Variants in CACNA1E observed in about 807,000 individuals in gnomAD.
CACNA1E encodes voltage-dependent R-type calcium channel subunit alpha-1E.
A neutral mutation model predicts 259.2 loss-of-function variants in CACNA1E; 40 were observed. That is an observed-to-expected ratio of 0.15 (90% confidence interval 0.12 to 0.20). The LOEUF (loss-of-function observed/expected upper bound fraction) is 0.20. Among genes scored for constraint, CACNA1E ranks in the 10% least tolerant of loss-of-function variants. The pLI, the probability that CACNA1E is intolerant of heterozygous loss-of-function variation, is 1.00. For missense variants in CACNA1E, 1,874 were observed against 3,040.1 expected, an observed-to-expected ratio of 0.62 and a Z score of 9.02; for synonymous variants, 1,104 against 1,138.5, an observed-to-expected ratio of 0.97 and a Z score of 0.61.
At chr1:181,531,809 C>A (rs1255784722) in intron 3 of CACNA1E, among the ~76,000 whole-genome samples, 1 of 152,206 alleles carries the variant, frequency 6.6e-6, no homozygotes, top group Non-Finnish European at 1.5e-5. Context: ...AATCCCAGCA[C>A]TTTGGGAGGC....
At chr1:181,412,863 C>A (rs1657960349) in intron 1 of CACNA1E, among the ~76,000 whole-genome samples, 1 of 152,168 alleles carries the variant, frequency 6.6e-6, no homozygotes, top group Non-Finnish European at 1.5e-5. Context: ...GGGCAAGAAT[C>A]CAGTCCACTT....
intron 2 of CACNA1E, among the ~76,000 whole-genome samples, chr1:181,510,800 A>T (rs632026): frequency 6.6e-6 from 1 of 152,232 alleles, no homozygotes; most frequent in African/African-American, 2.4e-5. Flanking sequence ...AGGGAAGAAG[A>T]AAGGGCAGGC....
At chr1:181,786,188 C>T (rs1283292228) in intron 43 of CACNA1E, among the ~76,000 whole-genome samples, 1 of 152,182 alleles carries the variant, frequency 6.6e-6, no homozygotes, top group Non-Finnish European at 1.5e-5. Flanking sequence ...GATAGAGCCT[C>T]CCTCACAGGT....
At chr1:181,352,414 A>T (rs1653107582) in intron 1 of CACNA1E, among the ~76,000 whole-genome samples, 1 of 152,162 alleles carries the variant, frequency 6.6e-6, no homozygotes, top group African/African-American at 2.4e-5. Flanking sequence ...GGTTTTAAGA[A>T]TTGATGGAGT....
intron 7 of CACNA1E, among the ~76,000 whole-genome samples, chr1:181,674,943 C>G (rs922022515): frequency 1.3e-5 from 2 of 152,214 alleles, no homozygotes; most frequent in African/African-American, 4.8e-5. Context: ...ATTCCTGTTT[C>G]GATTCCTTTT....
intron 1 of CACNA1E, among the ~76,000 whole-genome samples, chr1:181,361,850 G>A (rs1653907279): frequency 6.6e-6 from 1 of 152,152 alleles, no homozygotes; most frequent in Non-Finnish European, 1.5e-5. Context: ...TATAAATGGT[G>A]GTATGATTCC....
intron 44 of CACNA1E, among the ~76,000 whole-genome samples, chr1:181,792,768 G>A (rs139041669): frequency 3.3e-5 from 5 of 152,162 alleles, no homozygotes; most frequent in East Asian, 1.9e-4. Flanking sequence ...TTTTTGTTAG[G>A]TAGCCCACGT....
At chr1:181,545,600 G>C (rs1176714979) in intron 3 of CACNA1E, among the ~76,000 whole-genome samples, 3 of 152,278 alleles carry the variant, frequency 2.0e-5, no homozygotes, top group Non-Finnish European at 4.4e-5. Flanking sequence ...GCAGGGGGCA[G>C]GAGCTCAAGA....
At chr1:181,332,437 C>T (rs1651358026) in intron 1 of CACNA1E, among the ~76,000 whole-genome samples, 1 of 152,060 alleles carries the variant, frequency 6.6e-6, no homozygotes, top group South Asian at 2.1e-4. Flanking sequence ...AAATTGTACC[C>T]CATTTTTATT....
intron 6 of CACNA1E, among the ~76,000 whole-genome samples, chr1:181,643,540 G>A (rs559496777): frequency 6.6e-6 from 1 of 152,266 alleles, no homozygotes; most frequent in South Asian, 2.1e-4. Context: ...CAGTGCCAGT[G>A]GTGAGGACTG....
At position 181,756,111 on chromosome 1, in the gene CACNA1E, C is replaced by G; in HGVS notation, c.4127+18C>G. 6.2e-7 allele frequency: 1 copy of G among 1,600,116 alleles called. No individual in the cohort carries two copies. The highest frequency in any genetic ancestry group is 8.5e-7 in the Non-Finnish European group (1 of 1,171,120). ...TGGCCTCAGTGAGTGATTGAGTTGT[C>G]ATGCTTGTCTGTGGCTGTGATAGGA... is the stretch of plus-strand genomic sequence containing the variant. On this transcript the variant is annotated intron_variant, in intron 29 of 47. Transcript: ENST00000367573.
intron 2 of CACNA1E, among the ~76,000 whole-genome samples, chr1:181,451,182 C>T (rs891690402): frequency 6.6e-6 from 1 of 152,196 alleles, no homozygotes; most frequent in Non-Finnish European, 1.5e-5. Flanking sequence ...TCCACTGCCT[C>T]GCTCACCCTA....
At chr1:181,590,840 T>A (rs1164410619) in intron 6 of CACNA1E, among the ~76,000 whole-genome samples, 2 of 151,870 alleles carry the variant, frequency 1.3e-5, no homozygotes, top group Non-Finnish European at 2.9e-5. Context: ...TCAGCTGGTA[T>A]CTGTGGATGG....
At chr1:181,692,567 C>T (rs1352545641) in intron 7 of CACNA1E, among the ~76,000 whole-genome samples, 1 of 152,164 alleles carries the variant, frequency 6.6e-6, no homozygotes, top group Admixed American at 6.6e-5. Flanking sequence ...AATCCCTGCT[C>T]AATAAACAAT....
At chr1:181,645,056 C>T (rs200489228) in intron 6 of CACNA1E, among the ~76,000 whole-genome samples, 6 of 152,296 alleles carry the variant, frequency 3.9e-5, no homozygotes, top group East Asian at 1.9e-4. Context: ...GAGCCTGCCA[C>T]GTCCTTACTG....
chr1:181,715,890 T>C (rs1296155337), intron 9 of CACNA1E, 150 bp from the exon 10 acceptor site: 1 of 626,070 alleles, frequency 1.6e-6, no homozygotes, highest in Non-Finnish European at 2.9e-6. Context: ...CCGTGATTTC[T>C]GTTACCCTGG....
chr1:181,462,520 C>T (rs1461009400), intron 2 of CACNA1E, among the ~76,000 whole-genome samples: 1 of 152,160 alleles, frequency 6.6e-6, no homozygotes, highest in Non-Finnish European at 1.5e-5. Context: ...GTACCCACTA[C>T]CAAGATTAAA....
At chr1:181,551,367 G>T (rs912274367) in intron 3 of CACNA1E, among the ~76,000 whole-genome samples, 6 of 152,172 alleles carry the variant, frequency 3.9e-5, no homozygotes, top group Admixed American at 1.3e-4. Context: ...GGTGGTTGGT[G>T]GGGTGGTGAT....
In CACNA1E at chr1:181,413,840, G is replaced by T. The variant is rs1388138085; in HGVS notation, c.434+260G>T. The stretch of plus-strand genomic sequence containing the variant: ...TGGGTGAATCAGCCTTGCCCCCAAG[G>T]CTCACTTGTTTTACTAAGAGCCTGT... On this transcript the variant is annotated intron_variant, in intron 2 of 11. Transcript: ENST00000524607. Among the ~76,000 whole-genome samples the T allele has an allele frequency of 2.0e-5, 3 of 152,194 alleles. No homozygotes were observed. In the East Asian group the frequency reaches 5.8e-4, roughly 29 times the overall value.
Sources: allele counts gnomAD v4.1 joint callset (sites outside exome capture counted in the v4.1 genomes callset), GRCh38; gene constraint gnomAD v4.1.1; transcripts MANE v1.5; gene names NCBI Gene and HGNC (gene_info 2026-07-23, HGNC 2026-07-21).